LRRC7: variants seen among roughly 807,000 people sequenced by gnomAD.
LRRC7 encodes leucine-rich repeat-containing protein 7.
LRRC7 carries 23 observed loss-of-function variants against 175.7 expected under a neutral mutation model. The observed-to-expected ratio is 0.13, with a 90% CI of 0.09 to 0.19. The LOEUF is 0.19. Ranked by LOEUF, LRRC7 falls within the 10% of genes least tolerant of loss-of-function variation. LRRC7 has a pLI of 1.00. For synonymous variants in LRRC7, 685 were observed against 680.9 expected (o/e 1.01, Z -0.09); for missense variants, 1,354 against 1,904.7 (o/e 0.71, Z 5.38).
intron 25 of LRRC7, among the ~76,000 whole-genome samples, chr1:70,099,646 G>A (rs1027131054): frequency 1.3e-5 from 2 of 152,116 alleles, no homozygotes; most frequent in African/African-American, 2.4e-5. Flanking sequence ...GGCTTTGAGG[G>A]AGCCTTCAGG....
intron 1 of LRRC7, among the ~76,000 whole-genome samples, chr1:69,578,730 T>G (rs187521969): frequency 2.2e-4 from 30 of 138,418 alleles, no homozygotes; most frequent in Non-Finnish European, 3.9e-4. Flanking sequence ...GTCATAGGTG[T>G]GAATTGAACA....
intron 7 of LRRC7, among the ~76,000 whole-genome samples, chr1:69,915,285 G>C (rs1203199840): frequency 6.6e-6 from 1 of 152,152 alleles, no homozygotes; most frequent in Non-Finnish European, 1.5e-5. Flanking sequence ...TAACAGGTCA[G>C]AGTTTCAAGC....
chr1:69,609,891 A>T (rs1286499369), intron 1 of LRRC7, among the ~76,000 whole-genome samples: 2 of 152,072 alleles, frequency 1.3e-5, no homozygotes, highest in African/African-American at 2.4e-5. Flanking sequence ...GTATTCCAGA[A>T]AATTTTTCAC....
At chr1:69,576,687 A>G (rs1645963389) in intron 1 of LRRC7, among the ~76,000 whole-genome samples, 1 of 152,242 alleles carries the variant, frequency 6.6e-6, no homozygotes, top group African/African-American at 2.4e-5. Flanking sequence ...AAATTAATGC[A>G]TCACATATCA....
intron 7 of LRRC7, among the ~76,000 whole-genome samples, chr1:69,922,748 G>C (rs1212187992): frequency 6.6e-6 from 1 of 151,840 alleles, no homozygotes; most frequent in African/African-American, 2.4e-5. Flanking sequence ...AGCGGCTTTT[G>C]TCGCAATTGG....
At chr1:69,674,223 A>G (rs1203298214) in intron 1 of LRRC7, among the ~76,000 whole-genome samples, 1 of 152,106 alleles carries the variant, frequency 6.6e-6, no homozygotes, top group African/African-American at 2.4e-5. Flanking sequence ...AATCTCAGGT[A>G]TTCACTCCCC....
intron 18 of LRRC7, among the ~76,000 whole-genome samples, chr1:70,032,777 C>T (rs1377883385): frequency 6.6e-6 from 1 of 152,160 alleles, no homozygotes; most frequent in Non-Finnish European, 1.5e-5. Context: ...TGACTTCTTC[C>T]TGAGGCTTCT....
intron 9 of LRRC7, among the ~76,000 whole-genome samples, chr1:69,982,035 G>A (rs1022184157): frequency 6.6e-6 from 1 of 152,146 alleles, no homozygotes; most frequent in African/African-American, 2.4e-5. Context: ...GCTCCCAAAG[G>A]CTCTCTATGG....
intron 23 of LRRC7, among the ~76,000 whole-genome samples, chr1:70,072,768 A>G (rs1662486274): frequency 6.6e-6 from 1 of 152,264 alleles, no homozygotes; most frequent in Non-Finnish European, 1.5e-5. Context: ...TCGAAGTCAC[A>G]TGCACAGCAT....
intron 1 of LRRC7, among the ~76,000 whole-genome samples, chr1:69,588,982 G>GGTGTGT (rs1553121544): frequency 9.6e-6 from 1 of 104,262 alleles, no homozygotes; most frequent in African/African-American, 4.5e-5. Flanking sequence ...CTCCTGCTGG[G>GGTGTGT]GTCTGTGTGT....
At chr1:70,029,019 A>G (rs1658422066) in intron 18 of LRRC7, among the ~76,000 whole-genome samples, 1 of 152,108 alleles carries the variant, frequency 6.6e-6, no homozygotes, top group African/African-American at 2.4e-5. Context: ...TTTTATCTTC[A>G]TTAGAAACAT....
chr1:69,901,788 G>T (rs1646141344), intron 7 of LRRC7, among the ~76,000 whole-genome samples: 1 of 152,022 alleles, frequency 6.6e-6, no homozygotes, highest in Non-Finnish European at 1.5e-5. Flanking sequence ...GAATGCTGAT[G>T]CTAGTGTTAT....
chr1:69,881,607 G>T (rs1170555636), intron 7 of LRRC7, among the ~76,000 whole-genome samples: 1 of 152,070 alleles, frequency 6.6e-6, no homozygotes, highest in Non-Finnish European at 1.5e-5. Flanking sequence ...GGCTGGGTAT[G>T]GTGACTCGCA....
At chr1:69,697,863 C>A (rs1417533571) in intron 2 of LRRC7, among the ~76,000 whole-genome samples, 1 of 152,188 alleles carries the variant, frequency 6.6e-6, no homozygotes, top group East Asian at 1.9e-4. Flanking sequence ...CTTCCTAAGA[C>A]TTAGTGCATC....
At chr1:69,815,198 G>A (rs953641046) in intron 4 of LRRC7, among the ~76,000 whole-genome samples, 1 of 152,058 alleles carries the variant, frequency 6.6e-6, no homozygotes, top group South Asian at 2.1e-4. Flanking sequence ...GGACCATCTG[G>A]TTCCTGGTTA....
intron 4 of LRRC7, among the ~76,000 whole-genome samples, chr1:69,822,840 A>G (rs1309054845): frequency 2.6e-5 from 4 of 152,202 alleles, no homozygotes; most frequent in Non-Finnish European, 5.9e-5. Context: ...AACTCCCACA[A>G]AAATACTCTC....
At chr1:69,679,998 T>C (rs185847664) in intron 2 of LRRC7, among the ~76,000 whole-genome samples, 99 of 152,254 alleles carry the variant, frequency 6.5e-4, no homozygotes, top group Non-Finnish European at 8.8e-4. Flanking sequence ...AATTGAGTAG[T>C]TGTGACAGAG....
In LRRC7 at chr1:69,634,675, TCTTAG is replaced by T. The variant is rs748720912; in HGVS notation, c.3-43702_3-43698del. Reference sequence around the variant, plus strand: ...TATGAAATCCAAATTACCCTTTCTCTCTTAGCTTTGAGCTCTGGTTGTATGTACAC... The same window carrying T: ...TATGAAATCCAAATTACCCTTTCTCTCTTTGAGCTCTGGTTGTATGTACAC... On this transcript the variant is annotated intron_variant, in intron 1 of 26. Transcript: ENST00000651989. 5.3e-5 allele frequency among the ~76,000 whole-genome samples: 8 copies of T among 152,134 alleles called. 1 individual carries two copies. In the East Asian group the frequency reaches 1.2e-3, roughly 22 times the overall value.
intron 4 of LRRC7, among the ~76,000 whole-genome samples, chr1:69,824,285 T>C (rs927306743): frequency 1.8e-4 from 27 of 152,144 alleles, no homozygotes; most frequent in African/African-American, 6.5e-4. Context: ...CCATTGAAGA[T>C]ATTTAAAGAA....
Sources: allele counts gnomAD v4.1 joint callset (sites outside exome capture counted in the v4.1 genomes callset), GRCh38; gene constraint gnomAD v4.1.1; transcripts MANE v1.5; gene names NCBI Gene and HGNC (gene_info 2026-07-23, HGNC 2026-07-21).